ALDH5A1: variants seen among roughly 807,000 people sequenced by gnomAD.
ALDH5A1 encodes succinate-semialdehyde dehydrogenase, mitochondrial.
A neutral mutation model predicts 54.7 loss-of-function variants in ALDH5A1; 33 were observed. That is an observed-to-expected ratio of 0.60 (90% CI 0.46 to 0.81). The LOEUF (loss-of-function observed/expected upper bound fraction) is 0.81. Ranked by LOEUF, ALDH5A1 falls within the 30% of genes least tolerant of loss-of-function variation. The probability of loss-of-function intolerance (pLI) is 0.00; values close to 1 mark genes in which losing one functional copy is unlikely to be tolerated. For synonymous variants in ALDH5A1, 294 were observed against 292.7 expected, an observed-to-expected ratio of 1.00 and a Z score of -0.05; for missense variants, 657 against 711.0, an observed-to-expected ratio of 0.92 and a Z score of 0.86.
chr6:24,497,898 G>A (rs2127380569), intron 1 of ALDH5A1, among the ~76,000 whole-genome samples: 1 of 152,360 alleles, frequency 6.6e-6, no homozygotes, highest in African/African-American at 2.4e-5. Context: ...GCTGAGAATA[G>A]ATGAAGAGTG....
At chr6:24,526,904 C>CTA (rs4055010) in intron 7 of ALDH5A1, among the ~76,000 whole-genome samples, 7 of 122,004 alleles carry the variant, frequency 5.7e-5, no homozygotes, top group East Asian at 4.4e-4. Flanking sequence ...TATATATCTA[C>CTA]TATATATATA....
intron 4 of ALDH5A1, among the ~76,000 whole-genome samples, chr6:24,511,568 T>C (rs1485586935): frequency 2.0e-5 from 3 of 152,108 alleles, no homozygotes; most frequent in African/African-American, 4.8e-5. Context: ...GAAAACCTTG[T>C]CTTTGAGCTT....
At chr6:24,524,839 G>A (rs1235110099) in intron 7 of ALDH5A1, among the ~76,000 whole-genome samples, 2 of 152,160 alleles carry the variant, frequency 1.3e-5, no homozygotes, top group African/African-American at 4.8e-5. Flanking sequence ...ACAGTTGCCT[G>A]GGACCCATCC....
chr6:24,512,176 T>C (rs1759472595), intron 4 of ALDH5A1, among the ~76,000 whole-genome samples: 1 of 152,226 alleles, frequency 6.6e-6, no homozygotes, highest in Admixed American at 6.5e-5. Flanking sequence ...AGTCCTGTGA[T>C]GTGAACCATC....
intron 1 of ALDH5A1, among the ~76,000 whole-genome samples, chr6:24,501,522 T>G (rs533885256): frequency 2.6e-5 from 4 of 152,280 alleles, no homozygotes; most frequent in Non-Finnish European, 4.4e-5. Flanking sequence ...AGTCACATTC[T>G]GCTTAAAGTT....
intron 5 of ALDH5A1, among the ~76,000 whole-genome samples, chr6:24,519,586 T>C (rs1408220956): frequency 4.0e-5 from 6 of 151,832 alleles, no homozygotes; most frequent in Non-Finnish European, 8.8e-5. Context: ...TAAATAAAGT[T>C]CTAGAAACAT....
Position 24,495,337 on chromosome 6 carries a change from A to C in ALDH5A1, c.341A>C (p.Glu114Ala), listed in dbSNP as rs1370936799. Residue 114 changes from glutamate to alanine, a missense_variant, in exon 1 of 10, where the codon GAG (glutamate) becomes GCG (alanine). Transcript: ENST00000357578. The part of the protein sequence containing the change: ...AAYEAFCRWR[E>A]VSAKERSSLL... ...TACGAGGCTTTCTGCCGCTGGAGGG[A>C]GGTCTCCGCCAAGGTGAGAGAGCCC... 6.5e-7 allele frequency: 1 copy of C among 1,532,650 alleles called. No homozygotes were observed. The allele number at this position is 1,532,650 out of a possible 1,614,324, so 94.9% of individuals were successfully genotyped here.
chr6:24,530,213 T>C (rs1370039731), intron 8 of ALDH5A1, among the ~76,000 whole-genome samples: 2 of 152,156 alleles, frequency 1.3e-5, no homozygotes, highest in East Asian at 3.9e-4. Flanking sequence ...TCTTCAGATA[T>C]ACTCATTCTG....
chr6:24,533,954 T>G lies in ALDH5A1; in HGVS notation c.*242T>G, dbSNP rs563407475. The G allele has an allele frequency of 3.4e-5, 16 of 470,502 alleles. No individual in the cohort carries two copies. Among genetic ancestry groups the G allele is most frequent in the Non-Finnish European group, 5.4e-5 (14 of 259,318 alleles). 29.1% of individuals were successfully genotyped at this position (470,502 alleles called of 1,614,324 possible). A position where few individuals can be genotyped will look rare whatever the true frequency, so the allele number is the denominator to read the frequency against. Reference sequence around the variant, plus strand: ...GAGAACCAGCACTGGGTTTACAGAATGAGGCCCTGGCTCCCCACCACAGCC... The same window carrying G: ...GAGAACCAGCACTGGGTTTACAGAAGGAGGCCCTGGCTCCCCACCACAGCC... On this transcript the variant is annotated 3_prime_UTR_variant, in exon 10 of 10. Transcript: ENST00000357578.
intron 5 of ALDH5A1, among the ~76,000 whole-genome samples, chr6:24,516,529 T>G (rs141547178): frequency 0.022 from 3,334 of 152,052 alleles, 91 homozygotes; most frequent in African/African-American, 0.069. Context: ...AACAAAATTT[T>G]TGTTTATGGT....
chr6:24,528,288 A>G lies in ALDH5A1; in HGVS notation c.1343+122A>G, dbSNP rs2127389623. 3.6e-6 allele frequency: 4 copies of G among 1,102,962 alleles called. No individual in the cohort carries two copies. The East Asian group carries it at 9.8e-5, about 27-fold the overall frequency. The allele number at this position is 1,102,962 out of a possible 1,614,324, so 68.3% of individuals were successfully genotyped here. A position where few individuals can be genotyped will look rare whatever the true frequency, so the allele number is the denominator to read the frequency against. ...GGAGGCAGACAGTTGTGTTGAGTCC[A>G]TTGAAGAGCAGAGTGCAATTTATGG... On this transcript the variant is annotated intron_variant, in intron 8 of 9. Transcript: ENST00000357578.
At chr6:24,508,503 T>G (rs1759404423) in intron 4 of ALDH5A1, among the ~76,000 whole-genome samples, 1 of 152,142 alleles carries the variant, frequency 6.6e-6, no homozygotes, top group Non-Finnish European at 1.5e-5. Context: ...TAGGATACAG[T>G]TTATCCACTT....
At chr6:24,520,603 A>ATG (rs199737070) in intron 6 of ALDH5A1, 59 bp downstream of exon 6, 57 of 1,583,458 alleles carry the variant, frequency 3.6e-5, no homozygotes, top group East Asian at 2.7e-4. Context: ...GAGTGTGTGT[A>ATG]TGTGTGTGTG....
Position 24,533,966 on chromosome 6 carries a change from TC to T in ALDH5A1, c.*258del. 2.3e-6 allele frequency: 1 copy of T among 437,052 alleles called. No homozygotes were observed. Among genetic ancestry groups the T allele is most frequent in the East Asian group, 4.7e-5 (1 of 21,056 alleles). 27.1% of individuals were successfully genotyped at this position (437,052 alleles called of 1,614,324 possible). On this transcript the variant is annotated 3_prime_UTR_variant, in exon 10 of 10. Coordinates refer to ENST00000357578, the MANE Select transcript of ALDH5A1 (RefSeq NM_001080.3). ...TGGGTTTACAGAATGAGGCCCTGGCTCCCCACCACAGCCCCAGCTGCCTCAG... is the reference window on the plus strand; with the variant it reads ...TGGGTTTACAGAATGAGGCCCTGGCTCCCACCACAGCCCCAGCTGCCTCAG...
chr6:24,499,386 G>A (rs1764776546), intron 1 of ALDH5A1, among the ~76,000 whole-genome samples: 1 of 152,162 alleles, frequency 6.6e-6, no homozygotes, highest in Admixed American at 6.5e-5. Context: ...GTGCCTTGAT[G>A]GCAGCCCAGG....
intron 5 of ALDH5A1, among the ~76,000 whole-genome samples, chr6:24,516,455 A>AAAAAC (rs1561874384): frequency 2.9e-5 from 4 of 139,198 alleles, no homozygotes; most frequent in Non-Finnish European, 6.3e-5. Flanking sequence ...AAAAAAAAAA[A>AAAAAC]AAAATTAAAA....
intron 7 of ALDH5A1, among the ~76,000 whole-genome samples, chr6:24,526,902 TA>T (rs536661059): frequency 1.4e-5 from 1 of 73,856 alleles, no homozygotes; most frequent in Non-Finnish European, 4.2e-5. Flanking sequence ...TATATATATC[TA>T]CTATATATAT....
intron 8 of ALDH5A1, among the ~76,000 whole-genome samples, chr6:24,530,173 C>T (rs530013911): frequency 6.6e-6 from 1 of 152,096 alleles, no homozygotes; most frequent in African/African-American, 2.4e-5. Flanking sequence ...CTGCGAGTCC[C>T]TCCCCTCATC....
intron 4 of ALDH5A1, among the ~76,000 whole-genome samples, chr6:24,506,157 T>C (rs529674139): frequency 1.3e-5 from 2 of 150,412 alleles, no homozygotes; most frequent in South Asian, 2.2e-4. Context: ...GAAATTCCTA[T>C]AGAAACTTCG....
Sources: gnomAD v4.1 joint callset for allele counts (sites outside exome capture counted in the v4.1 genomes callset) on GRCh38, gnomAD v4.1.1 for gene constraint, MANE v1.5 for transcripts, NCBI Gene and HGNC (gene_info 2026-07-23, HGNC 2026-07-21) for gene names.